Variants in KIF24 observed in about 807,000 individuals in gnomAD.
KIF24 encodes kinesin-like protein KIF24.
A neutral mutation model predicts 118.9 loss-of-function variants in KIF24; 81 were observed. That is an observed-to-expected ratio of 0.68 (90% confidence interval 0.57 to 0.82). The LOEUF is 0.82. KIF24 is among the 40% of genes least tolerant of loss of function. The pLI is 0.00. For synonymous variants in KIF24, 599 were observed against 610.0 expected (o/e 0.98, Z 0.27); for missense variants, 1,560 against 1,661.6 (o/e 0.94, Z 1.06).
rs985789848 is a variant in KIF24, at chr9:34,318,535, C to G, written c.-25-7164G>C. 12 of 1,027,862 alleles carry G rather than the reference C, an allele frequency of 1.2e-5. No homozygotes were observed. Among genetic ancestry groups the G allele is most frequent in the Non-Finnish European group, 1.6e-5 (11 of 671,698 alleles). 63.7% of individuals were successfully genotyped at this position (1,027,862 alleles called of 1,614,324 possible). A position where few individuals can be genotyped will look rare whatever the true frequency, so the allele number is the denominator to read the frequency against. On this transcript the variant is annotated intron_variant, in intron 1 of 12. Transcript: ENST00000402558. The surrounding 1 kb of genome is among the most constrained non-coding windows in gnomAD (Gnocchi z 4.9). ...TGAGCCCCAAGGCAGCCACGCTGGC[C>G]GAACACAGCGCCGGCCTGGCCTTCA...
chr9:34,329,268 C>CGCCCGCGCTGTG (rs1415295030), upstream of KIF24, among the ~76,000 whole-genome samples: 2 of 152,244 alleles, frequency 1.3e-5, no homozygotes, highest in Non-Finnish European at 2.9e-5. Context: ...CCAGTTCGAA[C>CGCCCGCGCTGTG]GCCCGCGCTG....
intron 1 of KIF24, chr9:34,319,122 C>G (rs772755027): frequency 2.1e-5 from 31 of 1,465,320 alleles, no homozygotes; most frequent in Non-Finnish European, 2.9e-5. Flanking sequence ...ATGCACCAGA[C>G]AGGCCTCTAC....
intron 4 of KIF24, among the ~76,000 whole-genome samples, chr9:34,291,307 G>A (rs1162256630): frequency 6.6e-6 from 1 of 152,210 alleles, no homozygotes; most frequent in East Asian, 1.9e-4. Flanking sequence ...AGAGGCCACA[G>A]TAGTAAAGAT....
chr9:34,284,039 G>A (rs1835948465), intron 6 of KIF24, among the ~76,000 whole-genome samples: 1 of 152,078 alleles, frequency 6.6e-6, no homozygotes, highest in African/African-American at 2.4e-5. Context: ...AGGCTGAGGT[G>A]AGAGGATTGC....
intron 5 of KIF24, among the ~76,000 whole-genome samples, chr9:34,288,360 T>C (rs1285377051): frequency 6.6e-6 from 1 of 151,966 alleles, no homozygotes; most frequent in African/African-American, 2.4e-5. Flanking sequence ...TGGTAGCATG[T>C]ACCTGTAGTC....
intron 6 of KIF24, among the ~76,000 whole-genome samples, chr9:34,276,604 A>C (rs993028342): frequency 7.2e-5 from 11 of 152,280 alleles, no homozygotes; most frequent in Admixed American, 3.9e-4. Context: ...ATTAACTAAA[A>C]ATATTTTTTC....
At chr9:34,281,198 G>T (rs1371398532) in intron 6 of KIF24, among the ~76,000 whole-genome samples, 1 of 152,060 alleles carries the variant, frequency 6.6e-6, no homozygotes, top group African/African-American at 2.4e-5. Context: ...GCTCATTTTT[G>T]TATTTTTAGT....
intron 6 of KIF24, among the ~76,000 whole-genome samples, chr9:34,273,401 A>T (rs2131711364): frequency 7.9e-6 from 1 of 126,036 alleles, no homozygotes; most frequent in South Asian, 3.0e-4. Flanking sequence ...TAAGTAGGAA[A>T]GGGGGGAGTC....
intron 6 of KIF24, among the ~76,000 whole-genome samples, chr9:34,279,364 CA>C (rs1454920389): frequency 1.3e-5 from 2 of 152,098 alleles, no homozygotes; most frequent in African/African-American, 4.8e-5. Flanking sequence ...AAACATGAAA[CA>C]AGTTTATCAA....
intron 2 of KIF24, among the ~76,000 whole-genome samples, chr9:34,306,711 A>G (rs1269442441): frequency 2.0e-5 from 3 of 152,070 alleles, no homozygotes; most frequent in Non-Finnish European, 4.4e-5. Flanking sequence ...CTGAGGCAGG[A>G]GAATGGCGTG....
chr9:34,320,658 CAAAA>C (rs68048466), intron 1 of KIF24, among the ~76,000 whole-genome samples: 3,931 of 54,334 alleles, frequency 0.072, 46 homozygotes, highest in Middle Eastern at 0.18. Context: ...AACTCCTTCT[CAAAA>C]AAAAAAAAAA....
intron 4 of KIF24, among the ~76,000 whole-genome samples, 184 bp from the exon 5 acceptor site, chr9:34,290,573 T>TTTTTTTC: frequency 6.6e-6 from 1 of 151,634 alleles, no homozygotes. Flanking sequence ...GAAAAAAAAT[T>TTTTTTTC]CTCAAACTAC....
chr9:34,284,980 C>A (rs911666176), intron 6 of KIF24, among the ~76,000 whole-genome samples: 2 of 152,006 alleles, frequency 1.3e-5, no homozygotes, highest in Non-Finnish European at 2.9e-5. Context: ...GAAGGTTCAA[C>A]AGAAATCTAT....
At chr9:34,284,632 G>T (rs1237143098) in intron 6 of KIF24, among the ~76,000 whole-genome samples, 1 of 152,114 alleles carries the variant, frequency 6.6e-6, no homozygotes, top group Non-Finnish European at 1.5e-5. Context: ...TTCAAAAACA[G>T]ATGAAAACTA....
At chr9:34,285,549 C>T (rs374542405) in intron 6 of KIF24, among the ~76,000 whole-genome samples, 49 of 151,552 alleles carry the variant, frequency 3.2e-4, no homozygotes, top group African/African-American at 1.0e-3. Context: ...CCAAGGTGGG[C>T]GGATCATGAG....
At chr9:34,303,666 C>T (rs1445569431) in intron 3 of KIF24, among the ~76,000 whole-genome samples, 4 of 151,724 alleles carry the variant, frequency 2.6e-5, no homozygotes, top group Non-Finnish European at 4.4e-5. Context: ...CTGGGCAACA[C>T]GGCAAAACCT....
intron 1 of KIF24, among the ~76,000 whole-genome samples, chr9:34,323,103 C>G (rs558359187): frequency 1.3e-5 from 2 of 152,192 alleles, no homozygotes; most frequent in South Asian, 2.1e-4. Context: ...ACAGATGATA[C>G]TAGACAACTG....
At chr9:34,269,403 T>C in intron 7 of KIF24, 41 bp from the exon 8 acceptor site, 1 of 829,492 alleles carries the variant, frequency 1.2e-6, no homozygotes, top group Non-Finnish European at 1.9e-6. Flanking sequence ...TGTGAAGCTT[T>C]ATTTTATTTT....
chr9:34,268,657 G>A (rs1318421184), intron 8 of KIF24, among the ~76,000 whole-genome samples: 12 of 151,872 alleles, frequency 7.9e-5, no homozygotes, highest in African/African-American at 2.4e-5. Flanking sequence ...ACAGGCGCTC[G>A]GCACCACGCC....
Sources: gnomAD v4.1 joint callset for allele counts (sites outside exome capture counted in the v4.1 genomes callset) on GRCh38, gnomAD v4.1.1 for gene constraint, Gnocchi (gnomAD v3.1) non-coding constraint, MANE v1.5 for transcripts, NCBI Gene and HGNC (gene_info 2026-07-23, HGNC 2026-07-21) for gene names.